The following PLCXD3 variants were observed in gnomAD, a reference collection of about 807,000 sequenced individuals.
The protein encoded by PLCXD3 is phosphatidylinositol specific phospholipase C X domain containing 3.
In PLCXD3, 19 loss-of-function variants were observed where a neutral mutation model predicts 25.5. The ratio of observed to expected loss-of-function variants is 0.75; its 90% CI spans 0.52 to 1.09. The LOEUF (loss-of-function observed/expected upper bound fraction) is 1.09, where lower values mean the gene tolerates loss of function less well. Among genes scored for constraint, PLCXD3 ranks in the 50% least tolerant of loss-of-function variants. PLCXD3 has a pLI of 0.00. For synonymous variants in PLCXD3, 174 were observed against 137.6 expected (o/e 1.26, Z -1.85); for missense variants, 411 against 388.1 (o/e 1.06, Z -0.50).
At chr5:41,323,172 A>G (rs1278719742) in intron 2 of PLCXD3, among the ~76,000 whole-genome samples, 1 of 151,364 alleles carries the variant, frequency 6.6e-6, no homozygotes, top group Non-Finnish European at 1.5e-5. Flanking sequence ...AAAAATCAAA[A>G]CATTGAACTC....
chr5:41,440,008 T>C (rs764593715), intron 1 of PLCXD3, among the ~76,000 whole-genome samples: 38 of 151,936 alleles, frequency 2.5e-4, no homozygotes, highest in Non-Finnish European at 5.1e-4. Flanking sequence ...AAGAAGTCAG[T>C]TGGGACAATG....
chr5:41,382,783 T>A (rs2150493193), intron 1 of PLCXD3, among the ~76,000 whole-genome samples: 1 of 152,114 alleles, frequency 6.6e-6, no homozygotes, highest in East Asian at 1.9e-4. Context: ...ATTTAAAATT[T>A]AAATAATCAT....
chr5:41,358,756 GA>G (rs1374565506), intron 2 of PLCXD3, among the ~76,000 whole-genome samples: 1 of 152,124 alleles, frequency 6.6e-6, no homozygotes, highest in Non-Finnish European at 1.5e-5. Context: ...GTACTACGCT[GA>G]ATGGAAGTGG....
chr5:41,496,225 T>C (rs2150527235), intron 1 of PLCXD3, among the ~76,000 whole-genome samples: 1 of 151,654 alleles, frequency 6.6e-6, no homozygotes, highest in Middle Eastern at 3.4e-3. Context: ...TTATGGAAAA[T>C]AATTAAGCAG....
In PLCXD3 at chr5:41,506,396, G is replaced by A. The variant is rs1190541975; in HGVS notation, c.103+4028C>T. 1.3e-4 allele frequency among the ~76,000 whole-genome samples: 20 copies of A among 152,316 alleles called. No individual in the cohort carries two copies. The South Asian group carries it at 3.7e-3, about 28-fold the overall frequency. ...AACAAAACTGAGAATTAGAGAGGCA[G>A]AACAAGAGAGATATTCATCCTAAAC... On this transcript the variant is annotated intron_variant, in intron 1 of 2. Transcript: ENST00000377801.
chr5:41,370,909 C>G (rs946623953), intron 2 of PLCXD3, among the ~76,000 whole-genome samples: 3 of 152,144 alleles, frequency 2.0e-5, no homozygotes, highest in Non-Finnish European at 4.4e-5. Context: ...ATTCCCTTTA[C>G]AAAGAACTAT....
chr5:41,506,644 CA>C (rs2111597157), intron 1 of PLCXD3, among the ~76,000 whole-genome samples: 1 of 152,180 alleles, frequency 6.6e-6, no homozygotes, highest in Non-Finnish European at 1.5e-5. Flanking sequence ...CAGGCAGCAA[CA>C]AAAAGGGATG....
intron 1 of PLCXD3, among the ~76,000 whole-genome samples, chr5:41,435,538 A>G (rs1449789220): frequency 6.6e-6 from 1 of 152,112 alleles, no homozygotes; most frequent in East Asian, 1.9e-4. Context: ...AAAGGTTTTG[A>G]GTTTGAGTCC....
chr5:41,400,147 C>T (rs1447969065), intron 1 of PLCXD3, among the ~76,000 whole-genome samples: 2 of 152,112 alleles, frequency 1.3e-5, no homozygotes, highest in Non-Finnish European at 2.9e-5. Flanking sequence ...AATATCATCT[C>T]ACTCCAGTTA....
At chr5:41,436,609 T>C (rs1401368365) in intron 1 of PLCXD3, among the ~76,000 whole-genome samples, 1 of 152,170 alleles carries the variant, frequency 6.6e-6, no homozygotes, top group Non-Finnish European at 1.5e-5. Context: ...AGCCCTCCGA[T>C]ACTTCCCACC....
At chr5:41,381,794 A>G in intron 2 of PLCXD3, 32 bp downstream of exon 2, 4 of 1,464,122 alleles carry the variant, frequency 2.7e-6, no homozygotes, top group Non-Finnish European at 2.7e-6. Flanking sequence ...AAATTATTTG[A>G]GGTTTCCCCC....
intron 1 of PLCXD3, among the ~76,000 whole-genome samples, chr5:41,403,412 T>TTTTTTGTTTTTG (rs1189574667): frequency 9.6e-5 from 4 of 41,782 alleles, no homozygotes; most frequent in East Asian, 5.8e-4. Context: ...TTTTTTTTTT[T>TTTTTTGTTTTTG]TTTTATTATA....
chr5:41,502,061 A>C (rs757928474), intron 1 of PLCXD3, among the ~76,000 whole-genome samples: 1 of 152,136 alleles, frequency 6.6e-6, no homozygotes, highest in Admixed American at 6.5e-5. Context: ...GACTGGAATG[A>C]TCCCATAGAG....
At chr5:41,437,024 C>A (rs749612701) in intron 1 of PLCXD3, among the ~76,000 whole-genome samples, 2 of 152,178 alleles carry the variant, frequency 1.3e-5, no homozygotes, top group African/African-American at 4.8e-5. Flanking sequence ...AGAGAGGAGA[C>A]CAATGTAAAA....
intron 1 of PLCXD3, among the ~76,000 whole-genome samples, chr5:41,438,001 A>T (rs1747295469): frequency 6.6e-6 from 1 of 152,164 alleles, no homozygotes; most frequent in Non-Finnish European, 1.5e-5. Context: ...TTATCATTGG[A>T]ATATGACAAA....
chr5:41,358,628 A>G (rs1744686500), intron 2 of PLCXD3, among the ~76,000 whole-genome samples: 2 of 152,132 alleles, frequency 1.3e-5, no homozygotes, highest in African/African-American at 4.8e-5. Flanking sequence ...TACGGATGCC[A>G]TTATTTCTTT....
chr5:41,489,317 G>C (rs1748596816), intron 1 of PLCXD3, among the ~76,000 whole-genome samples: 1 of 152,120 alleles, frequency 6.6e-6, no homozygotes, highest in Non-Finnish European at 1.5e-5. Flanking sequence ...GTACCATGCT[G>C]TTTTGGTTAC....
At chr5:41,498,709 C>A (rs1580404385) in intron 1 of PLCXD3, among the ~76,000 whole-genome samples, 1 of 151,612 alleles carries the variant, frequency 6.6e-6, no homozygotes, top group South Asian at 2.1e-4. Flanking sequence ...AAGGAGAGAA[C>A]ACTATAGACC....
intron 2 of PLCXD3, among the ~76,000 whole-genome samples, chr5:41,370,428 T>C (rs1481830941): frequency 1.3e-5 from 2 of 152,198 alleles, no homozygotes; most frequent in Non-Finnish European, 2.9e-5. Context: ...GAAAATATTA[T>C]AGAAAACATC....
Sources: gnomAD v4.1 joint callset for allele counts (sites outside exome capture counted in the v4.1 genomes callset) on GRCh38, gnomAD v4.1.1 for gene constraint, MANE v1.5 for transcripts, NCBI Gene and HGNC (gene_info 2026-07-23, HGNC 2026-07-21) for gene names.